The following PDE12 variants were observed in gnomAD, a reference collection of about 807,000 sequenced individuals.
PDE12 encodes the protein phosphodiesterase 12, also known as 2',5'-phosphodiesterase 12.
In PDE12, 26 loss-of-function variants were observed where a neutral mutation model predicts 45.4. That is an observed-to-expected ratio of 0.57 (90% CI 0.42 to 0.79). The LOEUF (loss-of-function observed/expected upper bound fraction) is 0.79, where lower values mean the gene tolerates loss of function less well. PDE12 is among the 30% of genes least tolerant of loss of function. PDE12 has a pLI of 0.00. For missense variants in PDE12, 668 were observed against 790.0 expected (o/e 0.85, Z 1.85); for synonymous variants, 283 against 323.9 (o/e 0.87, Z 1.36).
the PDE12 span, among the ~76,000 whole-genome samples, chr3:57,602,593 CAG>C: frequency 1.3e-5 from 2 of 152,058 alleles, no homozygotes; most frequent in South Asian, 2.1e-4. Context: ...TTTTTTGAGC[CAG>C]AGTCTCGCTC....
the PDE12 span, among the ~76,000 whole-genome samples, chr3:57,599,055 G>A: frequency 6.6e-6 from 1 of 152,178 alleles, no homozygotes; most frequent in African/African-American, 2.4e-5. Context: ...TGTGCCCAAG[G>A]TGATCAGAGC....
chr3:57,597,029 C>A, the PDE12 span: 1 of 1,599,712 alleles, frequency 6.3e-7, no homozygotes, highest in Non-Finnish European at 8.6e-7. Flanking sequence ...ATTGTGGAGA[C>A]CCTGCCTTTC....
At chr3:57,610,808 G>A in the PDE12 span, among the ~76,000 whole-genome samples, 1 of 152,056 alleles carries the variant, frequency 6.6e-6, no homozygotes, top group South Asian at 2.1e-4. Flanking sequence ...TGGCCATACT[G>A]CCCAAGGTAA....
At chr3:57,577,663 C>T in the PDE12 span, among the ~76,000 whole-genome samples, 1 of 152,120 alleles carries the variant, frequency 6.6e-6, no homozygotes, top group African/African-American at 2.4e-5. Flanking sequence ...TTTCCCCTTC[C>T]CTCTGCACTC....
At chr3:57,596,853 G>A in the PDE12 span, 1 of 535,990 alleles carries the variant, frequency 1.9e-6, no homozygotes, top group South Asian at 2.2e-5. Flanking sequence ...AAGAAATCTT[G>A]CCCGAAGCCC....
the PDE12 span, among the ~76,000 whole-genome samples, chr3:57,624,432 G>A: frequency 1.3e-5 from 2 of 152,098 alleles, no homozygotes; most frequent in African/African-American, 2.4e-5. Flanking sequence ...TTACAGGCGT[G>A]AGCCCATGCC....
the PDE12 span, among the ~76,000 whole-genome samples, chr3:57,654,269 A>G: frequency 6.6e-6 from 1 of 152,072 alleles, no homozygotes; most frequent in Non-Finnish European, 1.5e-5. Flanking sequence ...ATTCACTTCT[A>G]AGAATTAAAC....
chr3:57,584,527 C>G, the PDE12 span: 1 of 1,390,668 alleles, frequency 7.2e-7, no homozygotes, highest in Non-Finnish European at 1.0e-6. Flanking sequence ...AATAATTTTA[C>G]AATAAATTTA....
chr3:57,596,638 C>G, the PDE12 span: 1 of 187,032 alleles, frequency 5.3e-6, no homozygotes, highest in East Asian at 1.7e-4. Context: ...AGGGACTGTA[C>G]ACGAAACGCA....
the PDE12 span, among the ~76,000 whole-genome samples, chr3:57,615,249 C>T: frequency 6.6e-6 from 1 of 152,020 alleles, no homozygotes; most frequent in Non-Finnish European, 1.5e-5. Flanking sequence ...CTAATGAGCT[C>T]ACTTATAAGT....
the PDE12 span, chr3:57,630,834 A>G: frequency 6.2e-7 from 1 of 1,611,366 alleles, no homozygotes; most frequent in African/African-American, 1.3e-5. Flanking sequence ...TCTAGAAAAC[A>G]GGACATATAA....
chr3:57,601,545 A>G, the PDE12 span, among the ~76,000 whole-genome samples: 9 of 152,272 alleles, frequency 5.9e-5, no homozygotes, highest in African/African-American at 2.2e-4. Flanking sequence ...GATTCAGCCA[A>G]TAGCAGATGT....
At chr3:57,633,331 A>G in the PDE12 span, 1 of 1,613,896 alleles carries the variant, frequency 6.2e-7, no homozygotes, top group Non-Finnish European at 8.5e-7. Context: ...TTTGAGCCTC[A>G]GAAGGACGTT....
chr3:57,646,442 A>C, the PDE12 span: 7 of 1,610,942 alleles, frequency 4.3e-6, no homozygotes, highest in African/African-American at 9.4e-5. Context: ...GAAACACCTG[A>C]AAGGTGATGC....
the PDE12 span, among the ~76,000 whole-genome samples, chr3:57,622,134 C>G: frequency 6.6e-6 from 1 of 152,174 alleles, no homozygotes; most frequent in African/African-American, 2.4e-5. Context: ...CAAGATAGTG[C>G]CACTGTATTC....
chr3:57,584,847 G>A, the PDE12 span, among the ~76,000 whole-genome samples: 1 of 148,564 alleles, frequency 6.7e-6, no homozygotes. Context: ...TGAACTACCA[G>A]CATTTTTTGG....
At chr3:57,622,790 G>C in the PDE12 span, among the ~76,000 whole-genome samples, 9 of 152,256 alleles carry the variant, frequency 5.9e-5, no homozygotes, top group Non-Finnish European at 1.2e-4. Context: ...CAACCTGAAT[G>C]AATCTCAAAA....
the PDE12 span, among the ~76,000 whole-genome samples, chr3:57,590,132 T>TAAATAAATAAAA: frequency 1.3e-3 from 178 of 136,300 alleles, 1 homozygote; most frequent in Non-Finnish European, 2.2e-3. Context: ...AATAAATAAA[T>TAAATAAATAAAA]AAAACAAAAA....
At chr3:57,609,544 AG>A in the PDE12 span, among the ~76,000 whole-genome samples, 3 of 152,208 alleles carry the variant, frequency 2.0e-5, no homozygotes, top group African/African-American at 7.2e-5. Flanking sequence ...AAAAATGATA[AG>A]GGGGATATCA....
Sources: allele counts gnomAD v4.1 joint callset (sites outside exome capture counted in the v4.1 genomes callset), GRCh38; gene constraint gnomAD v4.1.1; transcripts MANE v1.5; gene names NCBI Gene and HGNC (gene_info 2026-07-23, HGNC 2026-07-21).